NF1: variants seen among roughly 807,000 people sequenced by gnomAD.
NF1 encodes the protein neurofibromin 1, also known as neurofibromin.
In NF1, 122 loss-of-function variants were observed where a neutral mutation model predicts 325.7. The ratio of observed to expected loss-of-function variants is 0.37; its 90% CI spans 0.32 to 0.44. The LOEUF (loss-of-function observed/expected upper bound fraction) is 0.44. Ranked by LOEUF, NF1 falls within the 20% of genes least tolerant of loss-of-function variation. NF1 has a pLI of 1.00. For synonymous variants in NF1, 1,091 were observed against 1,186.0 expected (o/e 0.92, Z 1.65); for missense variants, 2,140 against 3,415.4 (o/e 0.63, Z 9.31).
At chr17:31,289,620 C>T (rs949059996) in intron 36 of NF1, among the ~76,000 whole-genome samples, 1 of 151,940 alleles carries the variant, frequency 6.6e-6, no homozygotes, top group African/African-American at 2.4e-5. Flanking sequence ...TTGCGTTTTC[C>T]ACATTTCACA....
intron 1 of NF1, among the ~76,000 whole-genome samples, chr17:31,140,306 C>CA (rs914307965): frequency 6.6e-6 from 1 of 152,124 alleles, no homozygotes; most frequent in African/African-American, 2.4e-5. Context: ...GGCAGAGACT[C>CA]AGACTGAGAG....
intron 8 of NF1, among the ~76,000 whole-genome samples, chr17:31,190,256 C>T (rs963512149): frequency 9.2e-5 from 14 of 151,450 alleles, no homozygotes; most frequent in African/African-American, 3.4e-4. Context: ...GATTCCATCT[C>T]AAAAAACAAA....
At chr17:31,164,960 G>A (rs1390391945) in intron 4 of NF1, among the ~76,000 whole-genome samples, 1 of 152,180 alleles carries the variant, frequency 6.6e-6, no homozygotes, top group Non-Finnish European at 1.5e-5. Context: ...CACCTAGAGA[G>A]TAGGAGGGTG....
chr17:31,108,130 TAA>T (rs56223998), intron 1 of NF1, among the ~76,000 whole-genome samples: 2 of 141,644 alleles, frequency 1.4e-5, no homozygotes, highest in African/African-American at 2.6e-5. Context: ...GAAACTCTGT[TAA>T]AAAAAAAAAA....
chr17:31,161,601 C>G (rs1438258675), intron 3 of NF1, among the ~76,000 whole-genome samples: 1 of 152,170 alleles, frequency 6.6e-6, no homozygotes, highest in African/African-American at 2.4e-5. Context: ...ACTGTTAACA[C>G]CGAAGTTATC....
chr17:31,232,213 A>G (rs1218404301), intron 25 of NF1, 24 bp downstream of exon 25: 2 of 1,471,590 alleles, frequency 1.4e-6, no homozygotes, highest in African/African-American at 1.4e-5. Context: ...ACCAAAAAAC[A>G]TAAAGCAAAA....
intron 13 of NF1, among the ~76,000 whole-genome samples, chr17:31,215,803 G>A (rs1013894074): frequency 1.3e-5 from 2 of 152,132 alleles, no homozygotes; most frequent in Non-Finnish European, 2.9e-5. Context: ...AGGTGCTTTC[G>A]ATTTTGGTGG....
intron 34 of NF1, 115 bp downstream of exon 34, chr17:31,260,630 G>A (rs1470942641): frequency 1.7e-5 from 21 of 1,248,420 alleles, no homozygotes; most frequent in Non-Finnish European, 2.3e-5. Flanking sequence ...TAAGAATTAT[G>A]GTTTAGAAAG....
chr17:31,276,540 A>T (rs953669725), intron 36 of NF1, among the ~76,000 whole-genome samples: 2 of 152,200 alleles, frequency 1.3e-5, no homozygotes, highest in African/African-American at 4.8e-5. Flanking sequence ...AAAAAGTTTG[A>T]CACCAAAATT....
intron 36 of NF1, chr17:31,304,417 A>G (rs1463778399): frequency 2.5e-6 from 4 of 1,614,184 alleles, no homozygotes; most frequent in South Asian, 1.1e-5. Context: ...AAGTGAGTCA[A>G]GCGGTGGAAA....
intron 48 of NF1, chr17:31,345,743 C>G: frequency 1.3e-6 from 2 of 1,512,408 alleles, no homozygotes; most frequent in Non-Finnish European, 1.8e-6. Flanking sequence ...TAATGATGTC[C>G]GAGTTGGAGA....
At chr17:31,156,234 TTGG>T in intron 2 of NF1, 108 bp downstream of exon 2, 2 of 1,299,194 alleles carry the variant, frequency 1.5e-6, no homozygotes, top group South Asian at 2.5e-5. Context: ...TCTGTGGACT[TTGG>T]ATATAACCAT....
At chr17:31,158,374 A>C (rs1016451281) in intron 2 of NF1, among the ~76,000 whole-genome samples, 5 of 152,164 alleles carry the variant, frequency 3.3e-5, no homozygotes, top group African/African-American at 1.2e-4. Context: ...GACATTTAAC[A>C]TTTTTTGTAG....
intron 1 of NF1, among the ~76,000 whole-genome samples, chr17:31,155,000 G>GT (rs1327280331): frequency 6.6e-6 from 1 of 152,066 alleles, no homozygotes; most frequent in Non-Finnish European, 1.5e-5. Context: ...GCCTCCGAAA[G>GT]TGCTGGGATG....
intron 57 of NF1, among the ~76,000 whole-genome samples, chr17:31,362,901 T>C (rs2070430552): frequency 6.6e-6 from 1 of 152,230 alleles, no homozygotes; most frequent in African/African-American, 2.4e-5. Flanking sequence ...CCAGTGTTGA[T>C]TGGCTATTTG....
In NF1 at chr17:31,269,153, C is replaced by T. The variant is rs148557226; in HGVS notation, c.4835+3814C>T. On this transcript the variant is annotated intron_variant, in intron 36 of 57. Transcript: ENST00000358273. The stretch of plus-strand genomic sequence containing the variant: ...TAGCATTATTCTCCTCCTCCTTCAT[C>T]ACCAGTTGACTACTTCTAGGTAATC... 1.7e-4 allele frequency among the ~76,000 whole-genome samples: 26 copies of T among 152,298 alleles called. No homozygotes were observed. The East Asian group carries it at 5.0e-3, about 29-fold the overall frequency.
intron 8 of NF1, among the ~76,000 whole-genome samples, chr17:31,184,668 A>T (rs4795584): frequency 1.5e-3 from 221 of 149,252 alleles, no homozygotes; most frequent in African/African-American, 5.0e-3. Flanking sequence ...AATAAAAAAA[A>T]AAAATAAAAA....
chr17:31,250,027 C>A, intron 30 of NF1: 1 of 499,310 alleles, frequency 2.0e-6, no homozygotes. Context: ...TCATTGAAAT[C>A]ACCATTTTAA....
rs140163716 is a variant in NF1, at chr17:31,312,627, T to C, written c.4836-13193T>C. Among the ~76,000 whole-genome samples the C allele has an allele frequency of 3.3e-3, 508 of 152,118 alleles. 5 individuals carry two copies. The highest frequency in any genetic ancestry group is 0.012 in the African/African-American group (490 of 41,496). On this transcript the variant is annotated intron_variant, in intron 36 of 57. Coordinates refer to ENST00000358273, the MANE Select transcript of NF1 (RefSeq NM_001042492.3). The stretch of plus-strand genomic sequence containing the variant: ...TGACAGTGAAAAAAATTTAATATAA[T>C]TTTATGACTTTATGCATAATGAAAT...
Sources: allele counts gnomAD v4.1 joint callset (sites outside exome capture counted in the v4.1 genomes callset), GRCh38; gene constraint gnomAD v4.1.1; transcripts MANE v1.5; gene names NCBI Gene and HGNC (gene_info 2026-07-23, HGNC 2026-07-21).